Variants in CERS6 observed in about 807,000 individuals in gnomAD.
The protein encoded by CERS6 is LAG1 homolog, ceramide synthase 6.
Under a neutral mutation model 56.8 loss-of-function variants are expected in CERS6, and 26 were observed. The ratio of observed to expected loss-of-function variants is 0.46; its 90% CI spans 0.34 to 0.63. The LOEUF (loss-of-function observed/expected upper bound fraction) is 0.63. CERS6 is among the 30% of genes least tolerant of loss of function. The pLI is 0.01. For synonymous variants in CERS6, 164 were observed against 173.3 expected, an observed-to-expected ratio of 0.95 and a Z score of 0.42; for missense variants, 415 against 467.5, an observed-to-expected ratio of 0.89 and a Z score of 1.04.
At chr2:168,585,659 A>G (rs1683524081) in intron 3 of CERS6, among the ~76,000 whole-genome samples, 1 of 152,194 alleles carries the variant, frequency 6.6e-6, no homozygotes, top group Admixed American at 6.5e-5. Context: ...AATTGTTATG[A>G]TTACATTCTG....
rs560853063 is a variant in CERS6 at position 168,456,312 on chromosome 2, A to AGGC, written c.-125_-123dup. ...CCTTCGAGAGCAGCGGCCGCGGAGGAGGCGGCGGCGGCGGGCGGGAGCAGC... is the reference window on the plus strand; with the variant it reads ...CCTTCGAGAGCAGCGGCCGCGGAGGAGGCGGCGGCGGCGGCGGGCGGGAGCAGC... On this transcript the variant is annotated 5_prime_UTR_variant, in exon 1 of 10. Transcript: ENST00000305747. This position sits in a 1 kb window ranked among gnomAD's most constrained non-coding sequence, Gnocchi z 4.1. 1,864 of 347,354 alleles carry AGGC rather than the reference A, an allele frequency of 5.4e-3. 42 individuals carry two copies. The highest frequency in any genetic ancestry group is 0.037 in the African/African-American group (1,665 of 44,972). The allele number at this position is 347,354 out of a possible 1,614,324, so 21.5% of individuals were successfully genotyped here.
At chr2:168,628,193 C>A (rs1477417988) in intron 3 of CERS6, among the ~76,000 whole-genome samples, 1 of 152,076 alleles carries the variant, frequency 6.6e-6, no homozygotes, top group Non-Finnish European at 1.5e-5. Flanking sequence ...GTTTTCTTTC[C>A]ACATTTATTA....
intron 1 of CERS6, among the ~76,000 whole-genome samples, chr2:168,481,423 C>T (rs116263197): frequency 0.019 from 2,832 of 151,992 alleles, 72 homozygotes; most frequent in African/African-American, 0.061. Context: ...CAAAAAAAAA[C>T]GGACAGTTAC....
chr2:168,728,166 G>GCTGAGTA (rs1345648469), intron 8 of CERS6, among the ~76,000 whole-genome samples: 1 of 152,134 alleles, frequency 6.6e-6, no homozygotes, highest in Non-Finnish European at 1.5e-5. Flanking sequence ...CAGTGGCATG[G>GCTGAGTA]CTGAGTAGTT....
At chr2:168,604,697 C>G (rs1684011605) in intron 3 of CERS6, among the ~76,000 whole-genome samples, 1 of 151,340 alleles carries the variant, frequency 6.6e-6, no homozygotes, top group Non-Finnish European at 1.5e-5. Flanking sequence ...CACCTCCCCT[C>G]TCTCTCTCTC....
At chr2:168,619,260 A>G (rs1027646017) in intron 3 of CERS6, among the ~76,000 whole-genome samples, 1 of 152,220 alleles carries the variant, frequency 6.6e-6, no homozygotes, top group African/African-American at 2.4e-5. Flanking sequence ...AAAATTCCAG[A>G]AGATAACATT....
chr2:168,700,783 T>C (rs774158440), intron 6 of CERS6, among the ~76,000 whole-genome samples: 15 of 152,168 alleles, frequency 9.9e-5, no homozygotes, highest in Non-Finnish European at 1.8e-4. Flanking sequence ...ATGGGTGTGT[T>C]GTAAGTGTAA....
chr2:168,554,366 C>G (rs982223944), intron 2 of CERS6, among the ~76,000 whole-genome samples: 2 of 152,094 alleles, frequency 1.3e-5, no homozygotes, highest in African/African-American at 4.8e-5. Flanking sequence ...TCCCTAGTAC[C>G]TCAGAATGTA....
intron 1 of CERS6, among the ~76,000 whole-genome samples, chr2:168,510,192 C>T (rs1238386003): frequency 1.3e-5 from 2 of 151,694 alleles, no homozygotes; most frequent in South Asian, 2.1e-4. Context: ...TTTTATTCCT[C>T]CATAAGGATT....
intron 4 of CERS6, among the ~76,000 whole-genome samples, chr2:168,639,568 A>T (rs7606141): frequency 6.6e-6 from 1 of 152,122 alleles, no homozygotes; most frequent in Non-Finnish European, 1.5e-5. Context: ...GATGTTCTTT[A>T]CTTAAGAACA....
At chr2:168,692,398 T>C (rs62174419) in intron 5 of CERS6, among the ~76,000 whole-genome samples, 12,255 of 152,248 alleles carry the variant, frequency 0.08, 722 homozygotes, top group African/African-American at 0.16. Flanking sequence ...ACTCTTCTTT[T>C]TAACTGTAAT....
chr2:168,509,623 C>T (rs1178932103), intron 1 of CERS6, among the ~76,000 whole-genome samples: 3 of 152,140 alleles, frequency 2.0e-5, no homozygotes, highest in African/African-American at 7.2e-5. Flanking sequence ...TGAGGTCTAG[C>T]TCTTGTGGTC....
In CERS6 at chr2:168,769,204, A is replaced by G. The variant is rs74800370; in HGVS notation, c.1003-306A>G. On this transcript the variant is annotated intron_variant, in intron 9 of 9. Coordinates refer to ENST00000305747, the MANE Select transcript of CERS6 (RefSeq NM_203463.3). ...TCCTATGACGCCATTCCAGTGACAC[A>G]GTATGCTACTTTTTGATTACAAGTG... Among the ~76,000 whole-genome samples, 977 of 152,310 alleles carry G rather than the reference A, an allele frequency of 6.4e-3. 8 individuals are homozygous for G. The highest frequency in any genetic ancestry group is 0.022 in the African/African-American group (917 of 41,572).
intron 8 of CERS6, among the ~76,000 whole-genome samples, chr2:168,721,887 T>C (rs1389401485): frequency 6.6e-6 from 1 of 152,144 alleles, no homozygotes; most frequent in Non-Finnish European, 1.5e-5. Context: ...CCCAAAGTGC[T>C]GGTATTACAG....
intron 1 of CERS6, among the ~76,000 whole-genome samples, chr2:168,496,972 A>G (rs549646462): frequency 6.6e-6 from 1 of 152,336 alleles, no homozygotes; most frequent in East Asian, 1.9e-4. Context: ...AATGCCATCA[A>G]TATACCTGTC....
intron 4 of CERS6, among the ~76,000 whole-genome samples, chr2:168,657,429 C>T (rs1419845416): frequency 2.9e-4 from 44 of 152,394 alleles, no homozygotes; most frequent in African/African-American, 9.9e-4. Context: ...AGTCCTGCGC[C>T]ATGCGCTCGC....
At chr2:168,672,116 G>T (rs73970096) in intron 4 of CERS6, among the ~76,000 whole-genome samples, 1 of 152,142 alleles carries the variant, frequency 6.6e-6, no homozygotes, top group Non-Finnish European at 1.5e-5. Flanking sequence ...CCTGTTTCCC[G>T]TTTAATGGTT....
At position 168,631,032 on chromosome 2, in the gene CERS6, T is replaced by C; in HGVS notation, c.455T>C (p.Phe152Ser). 6.6e-7 allele frequency: 1 copy of C among 1,519,266 alleles called. No homozygotes were observed. The highest frequency in any genetic ancestry group is 9.0e-7 in the Non-Finnish European group (1 of 1,111,516). The allele number at this position is 1,519,266 out of a possible 1,614,324, so 94.1% of individuals were successfully genotyped here. A position where few individuals can be genotyped will look rare whatever the true frequency, so the allele number is the denominator to read the frequency against. ...YLYVFTYGVR[F>S]LKKTPWLWNT... Reference sequence around the variant, plus strand: ...TATGTATTTACCTACGGAGTCAGATTCCTGAAAAAGGTAGGATCTCTCAAA... The same window carrying C: ...TATGTATTTACCTACGGAGTCAGATCCCTGAAAAAGGTAGGATCTCTCAAA... The change falls in exon 4 of 10, where the codon TTC becomes TCC. Residue 152 changes from phenylalanine (F) to serine (S), a missense_variant. Phe to Ser is a radical substitution (Grantham distance 155). Coordinates refer to ENST00000305747, the MANE Select transcript of CERS6 (RefSeq NM_203463.3).
intron 1 of CERS6, among the ~76,000 whole-genome samples, chr2:168,502,254 T>C (rs1694596159): frequency 6.6e-6 from 1 of 152,268 alleles, no homozygotes; most frequent in African/African-American, 2.4e-5. Flanking sequence ...CTTCCTATAA[T>C]TTTGTCTCGG....
Sources: allele counts gnomAD v4.1 joint callset (sites outside exome capture counted in the v4.1 genomes callset), GRCh38; gene constraint gnomAD v4.1.1; non-coding constraint Gnocchi (gnomAD v3.1); transcripts MANE v1.5; gene names NCBI Gene and HGNC (gene_info 2026-07-23, HGNC 2026-07-21).